Variants in PARD3B observed in about 807,000 individuals in gnomAD.
PARD3B encodes the protein partitioning defective 3 homolog B.
In PARD3B, 103 loss-of-function variants were observed where a neutral mutation model predicts 130.2. That is an observed-to-expected ratio of 0.79 (90% confidence interval 0.67 to 0.93). The LOEUF (loss-of-function observed/expected upper bound fraction) is 0.93, where lower values mean the gene tolerates loss of function less well. Among genes scored for constraint, PARD3B ranks in the 40% least tolerant of loss-of-function variants. PARD3B has a pLI of 0.00. For synonymous variants in PARD3B, 583 were observed against 553.2 expected (o/e 1.05, Z -0.76); for missense variants, 1,609 against 1,499.2 (o/e 1.07, Z -1.21).
At chr2:205,001,785 G>A (rs1357258528) in intron 3 of PARD3B, among the ~76,000 whole-genome samples, 3 of 152,210 alleles carry the variant, frequency 2.0e-5, no homozygotes, top group Non-Finnish European at 4.4e-5. Flanking sequence ...CCCAGCACTT[G>A]CACTGGTGGA....
chr2:204,754,805 G>T (rs1291983719), intron 2 of PARD3B, among the ~76,000 whole-genome samples: 1 of 152,098 alleles, frequency 6.6e-6, no homozygotes, highest in African/African-American at 2.4e-5. Flanking sequence ...GGCCAAATAA[G>T]CTTCAAAGGA....
chr2:204,892,487 T>C (rs2046484785), intron 2 of PARD3B, among the ~76,000 whole-genome samples: 1 of 152,232 alleles, frequency 6.6e-6, no homozygotes, highest in African/African-American at 2.4e-5. Context: ...ATACTTGTGA[T>C]GTGGCTACCT....
intron 1 of PARD3B, among the ~76,000 whole-genome samples, chr2:204,583,068 G>C (rs1367428404): frequency 6.7e-6 from 1 of 148,940 alleles, no homozygotes; most frequent in Non-Finnish European, 1.5e-5. Flanking sequence ...TCAGTGTGGC[G>C]ATTCCTCAGG....
At chr2:205,527,985 A>G (rs186278356) in intron 21 of PARD3B, among the ~76,000 whole-genome samples, 8 of 152,276 alleles carry the variant, frequency 5.3e-5, no homozygotes, top group Non-Finnish European at 8.8e-5. Flanking sequence ...GAAGTTACTC[A>G]TGGTCCATCA....
intron 4 of PARD3B, among the ~76,000 whole-genome samples, chr2:205,056,561 C>T (rs1042680638): frequency 2.6e-5 from 4 of 151,278 alleles, no homozygotes; most frequent in South Asian, 2.1e-4. Context: ...CTGGAGAATC[C>T]GAAGCCTTCT....
At chr2:205,222,849 T>C (rs1276809784) in intron 15 of PARD3B, among the ~76,000 whole-genome samples, 2 of 107,188 alleles carry the variant, frequency 1.9e-5, no homozygotes, top group African/African-American at 7.7e-5. Flanking sequence ...TAGTCTTTTC[T>C]CTGTGTCAGG....
At chr2:204,864,078 A>G (rs1400487429) in intron 2 of PARD3B, among the ~76,000 whole-genome samples, 4 of 152,048 alleles carry the variant, frequency 2.6e-5, no homozygotes, top group Non-Finnish European at 4.4e-5. Context: ...AGATTGTTTG[A>G]TTGCCAATAG....
chr2:205,009,254 T>A (rs1575546571), intron 3 of PARD3B, among the ~76,000 whole-genome samples: 1 of 152,352 alleles, frequency 6.6e-6, no homozygotes, highest in South Asian at 2.1e-4. Flanking sequence ...AAATGTTTTG[T>A]GAAAAATTCC....
intron 18 of PARD3B, among the ~76,000 whole-genome samples, chr2:205,340,789 A>C (rs1013458619): frequency 6.6e-6 from 1 of 152,162 alleles, no homozygotes; most frequent in South Asian, 2.1e-4. Context: ...TAAAGGAAAC[A>C]ATCAACAGAG....
intron 2 of PARD3B, among the ~76,000 whole-genome samples, chr2:204,918,731 G>A (rs2047550055): frequency 6.6e-6 from 1 of 152,090 alleles, no homozygotes; most frequent in Non-Finnish European, 1.5e-5. Context: ...GATACTCGAT[G>A]TGCAGTTTGT....
At chr2:205,433,361 C>T (rs1350501657) in intron 19 of PARD3B, among the ~76,000 whole-genome samples, 2 of 151,956 alleles carry the variant, frequency 1.3e-5, no homozygotes, top group East Asian at 3.9e-4. Flanking sequence ...GGCAAAACCC[C>T]TTCTCTACTA....
rs1460711017 is a variant in PARD3B at position 205,525,281 on chromosome 2, T to TG, written c.3180+25254dup. On this transcript the variant is annotated intron_variant, in intron 21 of 22. Coordinates refer to ENST00000406610, the MANE Select transcript of PARD3B (RefSeq NM_001302769.2). The surrounding 1 kb of genome is among the most constrained non-coding windows in gnomAD (Gnocchi z 4.2). The stretch of plus-strand genomic sequence containing the variant: ...ATTGGTTTCCTTACCACTCCAAGAG[T>TG]GGGGTCTCTGGAAAATATAGTAACA... Among the ~76,000 whole-genome samples, 1 of 151,750 alleles carries TG rather than the reference T, an allele frequency of 6.6e-6. No individual in the cohort carries two copies. The highest frequency in any genetic ancestry group is 2.4e-5 in the African/African-American group (1 of 41,264).
intron 1 of PARD3B, among the ~76,000 whole-genome samples, chr2:204,571,361 AT>A (rs1475333071): frequency 4.6e-5 from 7 of 152,166 alleles, no homozygotes; most frequent in Admixed American, 4.6e-4. Context: ...CTAGTGTCTT[AT>A]TTATTACTTT....
intron 19 of PARD3B, among the ~76,000 whole-genome samples, chr2:205,434,197 A>G (rs2047433378): frequency 6.6e-6 from 1 of 152,188 alleles, no homozygotes; most frequent in African/African-American, 2.4e-5. Flanking sequence ...TAGTAAGGAC[A>G]TCTCATTGTA....
chr2:205,369,227 C>T (rs191533095), intron 18 of PARD3B, among the ~76,000 whole-genome samples: 127 of 152,266 alleles, frequency 8.3e-4, no homozygotes, highest in South Asian at 1.5e-3. Context: ...TTATCATGGA[C>T]AAATTGTGAG....
chr2:204,957,488 A>G (rs768659697), intron 2 of PARD3B, among the ~76,000 whole-genome samples: 21 of 152,118 alleles, frequency 1.4e-4, no homozygotes, highest in Non-Finnish European at 1.8e-4. Flanking sequence ...AAATAGGTTT[A>G]TCTCATTTAC....
intron 18 of PARD3B, among the ~76,000 whole-genome samples, chr2:205,332,735 A>G (rs899698766): frequency 6.6e-6 from 1 of 152,074 alleles, no homozygotes; most frequent in Non-Finnish European, 1.5e-5. Context: ...GGGTGCAGAG[A>G]GCTCTCCCTT....
intron 20 of PARD3B, among the ~76,000 whole-genome samples, chr2:205,456,133 T>G (rs2106210495): frequency 6.6e-6 from 1 of 152,258 alleles, no homozygotes; most frequent in South Asian, 2.1e-4. Context: ...CATTTCTTCT[T>G]ACTTCTGAGT....
At chr2:205,085,885 G>C (rs1182784523) in intron 4 of PARD3B, among the ~76,000 whole-genome samples, 1 of 152,030 alleles carries the variant, frequency 6.6e-6, no homozygotes, top group Non-Finnish European at 1.5e-5. Flanking sequence ...GGTTGCACTG[G>C]TGCAAATTAT....
Sources: gnomAD v4.1 joint callset for allele counts (sites outside exome capture counted in the v4.1 genomes callset) on GRCh38, gnomAD v4.1.1 for gene constraint, Gnocchi (gnomAD v3.1) non-coding constraint, MANE v1.5 for transcripts, NCBI Gene and HGNC (gene_info 2026-07-23, HGNC 2026-07-21) for gene names.